The following NXPE2 variants were observed in gnomAD, a reference collection of about 807,000 sequenced individuals.
NXPE2 encodes neurexophilin and PC-esterase domain family member 2.
In NXPE2, 34 loss-of-function variants were observed where a neutral mutation model predicts 34.4. That is an observed-to-expected ratio of 0.99 (90% CI 0.75 to 1.31). NXPE2 has a LOEUF of 1.31. Among genes scored for constraint, NXPE2 ranks in the 40% most tolerant of loss-of-function variants. The pLI is 0.00. For synonymous variants in NXPE2, 235 were observed against 231.3 expected (o/e 1.02, Z -0.15); for missense variants, 649 against 672.5 (o/e 0.97, Z 0.39).
At chr11:114,539,696 G>A in the NXPE2 span, among the ~76,000 whole-genome samples, 1 of 151,766 alleles carries the variant, frequency 6.6e-6, no homozygotes, top group Non-Finnish European at 1.5e-5. Flanking sequence ...TTTATAAAGA[G>A]GAACTATTTA....
At chr11:114,787,434 G>A in the NXPE2 span, among the ~76,000 whole-genome samples, 4 of 152,172 alleles carry the variant, frequency 2.6e-5, no homozygotes, top group Admixed American at 2.6e-4. Flanking sequence ...GACAATGGCT[G>A]AGCTGATAAT....
At chr11:114,536,248 C>G in the NXPE2 span, among the ~76,000 whole-genome samples, 5 of 152,224 alleles carry the variant, frequency 3.3e-5, no homozygotes, top group African/African-American at 1.2e-4. Context: ...AACAAAGACA[C>G]AACATACCAG....
At chr11:114,676,055 G>T (rs540106417), upstream of NXPE2, among the ~76,000 whole-genome samples, 1 of 151,874 alleles carries the variant, frequency 6.6e-6, no homozygotes, top group Non-Finnish European at 1.5e-5. Flanking sequence ...ACATGTGGAA[G>T]AATGAAACTA....
the NXPE2 span, among the ~76,000 whole-genome samples, chr11:114,790,717 G>T: frequency 1.3e-5 from 2 of 152,040 alleles, no homozygotes; most frequent in African/African-American, 2.4e-5. Context: ...ACCAAGCCCA[G>T]CTTTGTGCCA....
chr11:114,720,784 C>T, the NXPE2 span, among the ~76,000 whole-genome samples: 1 of 152,092 alleles, frequency 6.6e-6, no homozygotes, highest in African/African-American at 2.4e-5. Flanking sequence ...TTTCAAATTA[C>T]TTGTCTGGGT....
At chr11:114,626,125 G>T in the NXPE2 span, among the ~76,000 whole-genome samples, 1 of 152,182 alleles carries the variant, frequency 6.6e-6, no homozygotes, top group South Asian at 2.1e-4. Flanking sequence ...GCCCAGGCTT[G>T]CTTAGGTAAA....
chr11:114,789,933 C>T, the NXPE2 span, among the ~76,000 whole-genome samples: 1 of 152,244 alleles, frequency 6.6e-6, no homozygotes, highest in Non-Finnish European at 1.5e-5. Context: ...AGGCATGCTG[C>T]TGTACTCAAA....
At chr11:114,595,183 T>A in the NXPE2 span, among the ~76,000 whole-genome samples, 293 of 152,302 alleles carry the variant, frequency 1.9e-3, 1 homozygote, top group African/African-American at 6.8e-3. Context: ...ACAGTGCCTG[T>A]TGAATGCAAA....
chr11:114,608,201 C>A, the NXPE2 span, among the ~76,000 whole-genome samples: 4 of 151,128 alleles, frequency 2.6e-5, no homozygotes, highest in African/African-American at 7.3e-5. Context: ...CATGGTTACC[C>A]GGTGGATAAT....
At chr11:114,704,095 C>A in intron 4 of NXPE2, 43 bp downstream of exon 4, 1 of 1,373,304 alleles carries the variant, frequency 7.3e-7, no homozygotes, top group Non-Finnish European at 1.0e-6. Context: ...ACAATTTATC[C>A]ACGGAAAGGA....
At chr11:114,491,248 T>G in the NXPE2 span, among the ~76,000 whole-genome samples, 30 of 150,908 alleles carry the variant, frequency 2.0e-4, no homozygotes, top group East Asian at 5.1e-3. Context: ...GGGAGAAAAT[T>G]TTCGCAACCT....
At chr11:114,571,459 C>A in the NXPE2 span, 1 of 1,606,376 alleles carries the variant, frequency 6.2e-7, no homozygotes, top group Non-Finnish European at 8.5e-7. Flanking sequence ...TCATGCAGAT[C>A]CACTGACTTC....
the NXPE2 span, among the ~76,000 whole-genome samples, chr11:114,557,569 G>T: frequency 2.0e-5 from 3 of 147,156 alleles, no homozygotes; most frequent in African/African-American, 7.4e-5. Context: ...GGGACTATAG[G>T]CACTCACCAC....
chr11:114,506,593 C>T, the NXPE2 span, among the ~76,000 whole-genome samples: 3 of 152,160 alleles, frequency 2.0e-5, no homozygotes, highest in Non-Finnish European at 4.4e-5. Flanking sequence ...CACAACTATA[C>T]AATTACATGG....
At chr11:114,602,435 T>G in the NXPE2 span, among the ~76,000 whole-genome samples, 2 of 133,704 alleles carry the variant, frequency 1.5e-5, no homozygotes, top group Non-Finnish European at 1.5e-5. Context: ...AATGTAATTA[T>G]AATATATAAT....
At chr11:114,529,079 A>AT in the NXPE2 span, 42 of 357,752 alleles carry the variant, frequency 1.2e-4, no homozygotes, top group East Asian at 2.0e-4. Flanking sequence ...CTCTTAGCAT[A>AT]TTTTTTTTGA....
intron 2 of NXPE2, among the ~76,000 whole-genome samples, chr11:114,690,245 A>G (rs934731701): frequency 6.6e-6 from 1 of 152,076 alleles, no homozygotes; most frequent in African/African-American, 2.4e-5. Flanking sequence ...TTATTTCCAT[A>G]TTTAGAACTC....
the NXPE2 span, chr11:114,554,248 T>C: frequency 9.2e-6 from 9 of 976,386 alleles, no homozygotes; most frequent in Non-Finnish European, 1.1e-5. Context: ...CTGGCCTCTA[T>C]TGTATTTGAC....
At chr11:114,640,327 T>A in the NXPE2 span, among the ~76,000 whole-genome samples, 1 of 147,740 alleles carries the variant, frequency 6.8e-6, no homozygotes, top group Non-Finnish European at 1.5e-5. Context: ...ATTATATGTT[T>A]ATATTGTATC....
Sources: allele counts gnomAD v4.1 joint callset (sites outside exome capture counted in the v4.1 genomes callset), GRCh38; gene constraint gnomAD v4.1.1; transcripts MANE v1.5; gene names NCBI Gene and HGNC (gene_info 2026-07-23, HGNC 2026-07-21).